PDZD2: variants seen among roughly 807,000 people sequenced by gnomAD.
PDZD2 encodes PDZ domain-containing protein 2.
Under a neutral mutation model 220.7 loss-of-function variants are expected in PDZD2, and 90 were observed. That is an observed-to-expected ratio of 0.41 (90% CI 0.34 to 0.49). PDZD2 has a LOEUF of 0.49. PDZD2 is among the 20% of genes least tolerant of loss of function. PDZD2 has a pLI of 0.28. For synonymous variants in PDZD2, 1,375 were observed against 1,450.5 expected (o/e 0.95, Z 1.18); for missense variants, 3,174 against 3,608.5 (o/e 0.88, Z 3.08).
intron 2 of PDZD2, among the ~76,000 whole-genome samples, chr5:31,913,338 T>TG (rs112768125): frequency 0.43 from 35,415 of 82,558 alleles, 5,889 homozygotes; most frequent in African/African-American, 0.63. Context: ...GAAACTTCCT[T>TG]GGGGAAAAAA....
intron 2 of PDZD2, among the ~76,000 whole-genome samples, chr5:31,812,882 A>G (rs2150245244): frequency 6.6e-6 from 1 of 152,132 alleles, no homozygotes; most frequent in East Asian, 1.9e-4. Flanking sequence ...CTCCTGGCCT[A>G]AAAATACTAC....
intron 6 of PDZD2, among the ~76,000 whole-genome samples, chr5:32,027,270 T>C (rs1473371141): frequency 1.3e-5 from 2 of 152,182 alleles, no homozygotes; most frequent in East Asian, 3.9e-4. Flanking sequence ...ACATGACACA[T>C]ACAAACCCAC....
At chr5:31,769,111 C>T (rs553450824) in intron 1 of PDZD2, among the ~76,000 whole-genome samples, 5 of 152,184 alleles carry the variant, frequency 3.3e-5, no homozygotes, top group South Asian at 2.1e-4. Flanking sequence ...CCTGCATTGC[C>T]GAGGGCAGAT....
chr5:31,645,954 G>A (rs755868152), intron 1 of PDZD2, among the ~76,000 whole-genome samples: 1 of 151,970 alleles, frequency 6.6e-6, no homozygotes, highest in African/African-American at 2.4e-5. Flanking sequence ...GGGGGAAGGG[G>A]GTGGGGAACT....
At chr5:32,057,601 A>T in intron 10 of PDZD2, 54 bp from the exon 11 acceptor site, 1 of 1,047,342 alleles carries the variant, frequency 9.5e-7, no homozygotes, top group Non-Finnish European at 1.5e-6. Flanking sequence ...TGAGCAGTTA[A>T]ATTCCAGGAA....
chr5:32,077,400 C>A (rs1741397232), intron 18 of PDZD2, 62 bp from the exon 19 acceptor site: 1 of 1,558,658 alleles, frequency 6.4e-7, no homozygotes, highest in Admixed American at 1.7e-5. Context: ...TATATGATCT[C>A]ATCTTACGGT....
intron 6 of PDZD2, among the ~76,000 whole-genome samples, chr5:32,018,037 T>C (rs1753907312): frequency 6.6e-6 from 1 of 152,300 alleles, no homozygotes; most frequent in African/African-American, 2.4e-5. Context: ...AGTCACATTA[T>C]AGCTCAAGGC....
At chr5:31,790,900 G>A (rs923935795) in intron 1 of PDZD2, among the ~76,000 whole-genome samples, 12 of 151,436 alleles carry the variant, frequency 7.9e-5, no homozygotes, top group African/African-American at 2.7e-4. Context: ...GGATTTCACC[G>A]TGTTAGCCAA....
chr5:31,962,156 A>G (rs1748304341), intron 2 of PDZD2, among the ~76,000 whole-genome samples: 1 of 152,190 alleles, frequency 6.6e-6, no homozygotes, highest in South Asian at 2.1e-4. Context: ...TTTGTGCCTG[A>G]TGATTTAAAG....
intron 24 of PDZD2, among the ~76,000 whole-genome samples, chr5:32,105,914 A>G (rs1231584916): frequency 6.6e-6 from 1 of 152,232 alleles, no homozygotes; most frequent in African/African-American, 2.4e-5. Flanking sequence ...AAAGCTGGCA[A>G]ACCTCTGCTT....
intron 2 of PDZD2, among the ~76,000 whole-genome samples, chr5:31,801,001 G>A (rs1361033251): frequency 6.6e-6 from 1 of 152,192 alleles, no homozygotes; most frequent in Non-Finnish European, 1.5e-5. Context: ...GTGGAAACCA[G>A]CCAGGGGCAG....
At chr5:31,856,907 ACTATATATATAT>A (rs1407448862) in intron 2 of PDZD2, among the ~76,000 whole-genome samples, 1 of 38,662 alleles carries the variant, frequency 2.6e-5, no homozygotes, top group Non-Finnish European at 4.6e-5. Flanking sequence ...CCTTATCAAA[ACTATATATATAT>A]ATATATATAT....
chr5:31,756,530 G>A (rs1245199957), intron 1 of PDZD2, among the ~76,000 whole-genome samples: 1 of 152,226 alleles, frequency 6.6e-6, no homozygotes, highest in Non-Finnish European at 1.5e-5. Flanking sequence ...CTGTGGCTGG[G>A]GGAGCTATGG....
At chr5:32,011,491 C>T (rs72759687) in intron 6 of PDZD2, among the ~76,000 whole-genome samples, 10,296 of 152,028 alleles carry the variant, frequency 0.068, 376 homozygotes, top group East Asian at 0.11. Flanking sequence ...AGAGCAAGAC[C>T]CTGTCTCAAA....
Position 31,868,274 on chromosome 5 carries a change from GTC to G in PDZD2, c.476+68554_476+68555del, listed in dbSNP as rs1349462339. On this transcript the variant is annotated intron_variant, in intron 2 of 24. Coordinates refer to ENST00000438447, the MANE Select transcript of PDZD2 (RefSeq NM_178140.4). ...AGCCTAGCCAACATGGTGAAACCCT[GTC>G]TCTACTAAAACTACAAAAATTAGCT... 3.9e-5 allele frequency among the ~76,000 whole-genome samples: 6 copies of G among 152,260 alleles called. No individual in the cohort carries two copies. In the East Asian group the frequency reaches 1.2e-3, roughly 29 times the overall value.
intron 1 of PDZD2, among the ~76,000 whole-genome samples, chr5:31,752,073 G>GTTTTGTTTTTTTTTTTT (rs1751018299): frequency 4.2e-5 from 4 of 95,064 alleles, no homozygotes; most frequent in African/African-American, 1.7e-4. Context: ...TTTTGGGTTT[G>GTTTTGTTTTTTTTTTTT]TTTTTTTTTT....
intron 2 of PDZD2, among the ~76,000 whole-genome samples, chr5:31,917,612 A>G (rs1169402493): frequency 2.0e-5 from 3 of 152,244 alleles, no homozygotes; most frequent in Non-Finnish European, 4.4e-5. Context: ...AGCTCAGAGT[A>G]GAGGTGCCTG....
chr5:31,871,980 C>T (rs1738843792), intron 2 of PDZD2, among the ~76,000 whole-genome samples: 1 of 152,040 alleles, frequency 6.6e-6, no homozygotes, highest in South Asian at 2.1e-4. Context: ...TGTGAGCCAC[C>T]ATGCCTGGCT....
At chr5:31,849,956 A>AAG (rs1757875190) in intron 2 of PDZD2, among the ~76,000 whole-genome samples, 1 of 24,984 alleles carries the variant, frequency 4.0e-5, no homozygotes, top group African/African-American at 3.3e-4. Flanking sequence ...ATACATATAT[A>AAG]TATATACACA....
Sources: allele counts gnomAD v4.1 joint callset (sites outside exome capture counted in the v4.1 genomes callset), GRCh38; gene constraint gnomAD v4.1.1; transcripts MANE v1.5; gene names NCBI Gene and HGNC (gene_info 2026-07-23, HGNC 2026-07-21).